PLPP4: variants seen among roughly 807,000 people sequenced by gnomAD.
PLPP4 encodes the protein phospholipid phosphatase 4, also known as diacylglycerol pyrophosphate like 2.
A neutral mutation model predicts 32.2 loss-of-function variants in PLPP4; 20 were observed. The observed-to-expected ratio is 0.62, with a 90% confidence interval of 0.44 to 0.90. The LOEUF (loss-of-function observed/expected upper bound fraction) is 0.90. Ranked by LOEUF, PLPP4 falls within the 40% of genes least tolerant of loss-of-function variation. The pLI is 0.00. For missense variants in PLPP4, 257 were observed against 353.1 expected (o/e 0.73, Z 2.18); for synonymous variants, 127 against 133.0 (o/e 0.95, Z 0.31).
chr10:120,560,618 C>G (rs573646698), intron 5 of PLPP4, among the ~76,000 whole-genome samples: 23 of 152,074 alleles, frequency 1.5e-4, no homozygotes, highest in African/African-American at 5.5e-4. Context: ...AGCTGGATAC[C>G]GTGGTGTGCA....
intron 1 of PLPP4, among the ~76,000 whole-genome samples, chr10:120,494,562 C>T (rs1236757651): frequency 6.6e-6 from 1 of 152,172 alleles, no homozygotes; most frequent in Non-Finnish European, 1.5e-5. Flanking sequence ...GGAGGCTTAT[C>T]ACAGAGCAAG....
intron 5 of PLPP4, among the ~76,000 whole-genome samples, chr10:120,562,635 A>T (rs554602541): frequency 1.3e-5 from 2 of 152,368 alleles, no homozygotes; most frequent in Non-Finnish European, 2.9e-5. Flanking sequence ...ATCAAAAAAA[A>T]GTGATACTTT....
chr10:120,545,262 TC>T (rs1386332626), intron 5 of PLPP4, among the ~76,000 whole-genome samples: 50 of 152,340 alleles, frequency 3.3e-4, no homozygotes, highest in Non-Finnish European at 5.0e-4. Flanking sequence ...GCCCAAGGCT[TC>T]CTCTTTATTT....
intron 5 of PLPP4, among the ~76,000 whole-genome samples, chr10:120,546,047 T>A: frequency 6.6e-6 from 1 of 152,152 alleles, no homozygotes; most frequent in East Asian, 1.9e-4. Context: ...ACTTAACCAA[T>A]GGTTTGCCAG....
At position 120,590,191 on chromosome 10, in the gene PLPP4, G is replaced by A. The variant is rs1013218887; in HGVS notation, c.*689G>A. On this transcript the variant is annotated 3_prime_UTR_variant, in exon 7 of 7. Coordinates refer to ENST00000398250, the MANE Select transcript of PLPP4 (RefSeq NM_001030059.3). ...ACAGCAGTTGCCTGAGGGTTCATGG[G>A]CACAATATCCTTCCCATCTTCCAGT... Among the ~76,000 whole-genome samples the A allele has an allele frequency of 1.1e-4, 17 of 152,200 alleles. No individual in the cohort carries two copies. The highest frequency in any genetic ancestry group is 5.2e-4 in the Admixed American group (8 of 15,276).
intron 1 of PLPP4, among the ~76,000 whole-genome samples, chr10:120,459,006 G>C (rs114076402): frequency 7.6e-4 from 115 of 152,266 alleles, no homozygotes; most frequent in African/African-American, 2.6e-3. Flanking sequence ...AGATAAAAAA[G>C]GGTCCAACAA....
intron 1 of PLPP4, among the ~76,000 whole-genome samples, chr10:120,465,440 A>C (rs1317359788): frequency 1.3e-5 from 2 of 152,358 alleles, no homozygotes; most frequent in Admixed American, 6.5e-5. Context: ...TCCCACAGAA[A>C]GGAGGAACTA....
chr10:120,460,038 G>A (rs1017863775), intron 1 of PLPP4, among the ~76,000 whole-genome samples: 19 of 152,124 alleles, frequency 1.2e-4, no homozygotes, highest in Admixed American at 4.6e-4. Flanking sequence ...CCCCGCTCCC[G>A]CAACCAACCC....
At chr10:120,537,408 G>C (rs1043913449) in intron 5 of PLPP4, among the ~76,000 whole-genome samples, 15 of 152,168 alleles carry the variant, frequency 9.9e-5, no homozygotes, top group Non-Finnish European at 1.5e-5. Flanking sequence ...TGAACCTAGA[G>C]GACATTACGC....
chr10:120,547,448 T>G (rs1263397370), intron 5 of PLPP4, among the ~76,000 whole-genome samples: 1 of 152,174 alleles, frequency 6.6e-6, no homozygotes, highest in Non-Finnish European at 1.5e-5. Flanking sequence ...GTTTTAAAAA[T>G]TGATATTTTG....
intron 5 of PLPP4, among the ~76,000 whole-genome samples, chr10:120,549,083 C>CGTT (rs1564833103): frequency 6.7e-6 from 1 of 150,184 alleles, no homozygotes; most frequent in Non-Finnish European, 1.5e-5. Context: ...CTGAACTTGC[C>CGTT]ATTATTATTA....
chr10:120,483,791 CT>C (rs1250465122), intron 1 of PLPP4, among the ~76,000 whole-genome samples: 3 of 152,204 alleles, frequency 2.0e-5, no homozygotes, highest in African/African-American at 7.2e-5. Flanking sequence ...CTGTCTCTTA[CT>C]TTTTTTCTGG....
chr10:120,478,434 G>A (rs954050449), intron 1 of PLPP4, among the ~76,000 whole-genome samples: 3 of 152,134 alleles, frequency 2.0e-5, no homozygotes, highest in Admixed American at 1.3e-4. Flanking sequence ...ATCTTTGCTG[G>A]AATTTTTTCT....
At chr10:120,574,168 A>ACACT (rs1849090021) in intron 5 of PLPP4, among the ~76,000 whole-genome samples, 21 of 47,114 alleles carry the variant, frequency 4.5e-4, no homozygotes, top group East Asian at 6.1e-4. Flanking sequence ...ACACACACAC[A>ACACT]CTCTCTCTCT....
rs112981505 is a variant in PLPP4, at chr10:120,516,233, T to C, written c.256+2232T>C. ...ACAGGGTGTAGATTTTCCAGTGTTG[T>C]CTGGAATTCAGGACTCTATCGACCA... is the stretch of plus-strand genomic sequence containing the variant. On this transcript the variant is annotated intron_variant, in intron 3 of 6. Transcript: ENST00000398250. 3.3e-3 allele frequency among the ~76,000 whole-genome samples: 498 copies of C among 151,560 alleles called. 2 individuals carry two copies. Among genetic ancestry groups the C allele is most frequent in the African/African-American group, 0.011 (472 of 41,272 alleles).
intron 5 of PLPP4, among the ~76,000 whole-genome samples, chr10:120,549,750 A>G (rs1847802137): frequency 7.3e-6 from 1 of 137,578 alleles, no homozygotes; most frequent in African/African-American, 2.6e-5. Flanking sequence ...AAGAAAAATC[A>G]TATAATCATC....
chr10:120,536,439 A>G (rs960868286), intron 5 of PLPP4, among the ~76,000 whole-genome samples: 3 of 152,134 alleles, frequency 2.0e-5, no homozygotes, highest in Non-Finnish European at 4.4e-5. Context: ...CCAGAGGGAA[A>G]AGGTACTCTG....
intron 1 of PLPP4, among the ~76,000 whole-genome samples, chr10:120,476,200 G>A (rs1156501169): frequency 6.6e-6 from 1 of 152,200 alleles, no homozygotes; most frequent in Non-Finnish European, 1.5e-5. Context: ...GTTTTGCCTG[G>A]GGCCAGCTGT....
At chr10:120,530,692 A>C (rs1846664471) in intron 5 of PLPP4, among the ~76,000 whole-genome samples, 1 of 152,214 alleles carries the variant, frequency 6.6e-6, no homozygotes, top group Non-Finnish European at 1.5e-5. Context: ...TGCTTGGTTA[A>C]AAGTGAGGTC....
Sources: allele counts gnomAD v4.1 joint callset (sites outside exome capture counted in the v4.1 genomes callset), GRCh38; gene constraint gnomAD v4.1.1; transcripts MANE v1.5; gene names NCBI Gene and HGNC (gene_info 2026-07-23, HGNC 2026-07-21).